Variants in CEP170 observed in about 807,000 individuals in gnomAD.
CEP170 encodes the protein centrosomal protein of 170 kDa.
Under a neutral mutation model 151.9 loss-of-function variants are expected in CEP170, and 21 were observed. The ratio of observed to expected loss-of-function variants is 0.14; its 90% CI spans 0.10 to 0.20. The LOEUF (loss-of-function observed/expected upper bound fraction) is 0.20. Ranked by LOEUF, CEP170 falls within the 10% of genes least tolerant of loss-of-function variation. The pLI, the probability that CEP170 is intolerant of heterozygous loss-of-function variation, is 1.00. For missense variants in CEP170, 964 were observed against 1,892.9 expected (o/e 0.51, Z 9.11); for synonymous variants, 356 against 648.8 (o/e 0.55, Z 6.86).
At chr1:243,179,677 C>G (rs1433276279) in intron 10 of CEP170, among the ~76,000 whole-genome samples, 1 of 152,210 alleles carries the variant, frequency 6.6e-6, no homozygotes, top group Non-Finnish European at 1.5e-5. Flanking sequence ...ACGAATCATA[C>G]ACAAATGCTA....
intron 7 of CEP170, among the ~76,000 whole-genome samples, chr1:243,198,833 A>T (rs1478937464): frequency 2.0e-5 from 3 of 151,578 alleles, no homozygotes; most frequent in Admixed American, 2.0e-4. Context: ...AAAATATTTT[A>T]AATAGAAGTG....
At position 243,208,344 on chromosome 1, in the gene CEP170, A is replaced by G. The variant is rs186287829; in HGVS notation, c.274+3542T>C. Reference sequence around the variant, plus strand: ...GTAGCCAGAGGATCTTTTTAGATGTATGTCATTTATCACTCCGATTAAAAA... The same window carrying G: ...GTAGCCAGAGGATCTTTTTAGATGTGTGTCATTTATCACTCCGATTAAAAA... On this transcript the variant is annotated intron_variant, in intron 4 of 19. Coordinates refer to ENST00000366542, the MANE Select transcript of CEP170 (RefSeq NM_014812.3). Among the ~76,000 whole-genome samples, 146 of 148,022 alleles carry G rather than the reference A, an allele frequency of 9.9e-4. 1 individual carries two copies. The highest frequency in any genetic ancestry group is 4.2e-3 in the Admixed American group (63 of 14,846).
At chr1:243,233,732 C>CAAAA (rs376399936) in intron 1 of CEP170, among the ~76,000 whole-genome samples, 53 of 97,786 alleles carry the variant, frequency 5.4e-4, no homozygotes, top group South Asian at 2.1e-3. Context: ...GACTCCATCT[C>CAAAA]AAAAAAAAAA....
At chr1:243,217,393 C>T (rs988932772) in intron 3 of CEP170, among the ~76,000 whole-genome samples, 1 of 152,188 alleles carries the variant, frequency 6.6e-6, no homozygotes, top group Non-Finnish European at 1.5e-5. Flanking sequence ...TAAAACACCA[C>T]ATTTACTCAA....
At chr1:243,128,778 G>T (rs2148156524) in intron 18 of CEP170, 1 of 153,484 alleles carries the variant, frequency 6.5e-6, no homozygotes, top group East Asian at 1.9e-4. Context: ...TATTGGCCAG[G>T]CTGGTCTTCA....
chr1:243,183,462 T>C (rs1572101856), intron 10 of CEP170, among the ~76,000 whole-genome samples: 1 of 152,168 alleles, frequency 6.6e-6, no homozygotes, highest in Non-Finnish European at 1.5e-5. Flanking sequence ...AAGTGCTTTT[T>C]CTGCCTTCCT....
chr1:243,150,226 C>T (rs2056931222), intron 14 of CEP170, among the ~76,000 whole-genome samples: 1 of 152,316 alleles, frequency 6.6e-6, no homozygotes, highest in South Asian at 2.1e-4. Flanking sequence ...TCTCGGCTCA[C>T]TGCAACCTCC....
At chr1:243,245,769 C>A (rs1189565205) in intron 1 of CEP170, among the ~76,000 whole-genome samples, 1 of 150,742 alleles carries the variant, frequency 6.6e-6, no homozygotes, top group Non-Finnish European at 1.5e-5. Context: ...ACAAAAAAAA[C>A]ACAAAAAAGA....
At chr1:243,230,607 A>C (rs2063660844) in intron 1 of CEP170, among the ~76,000 whole-genome samples, 1 of 152,200 alleles carries the variant, frequency 6.6e-6, no homozygotes, top group Non-Finnish European at 1.5e-5. Flanking sequence ...AGACTAACTG[A>C]AGTAAGAAAA....
intron 3 of CEP170, among the ~76,000 whole-genome samples, chr1:243,216,956 G>A (rs371598410): frequency 6.6e-6 from 1 of 152,190 alleles, no homozygotes. Flanking sequence ...GCAACATTCT[G>A]AGAAACACAT....
intron 14 of CEP170, among the ~76,000 whole-genome samples, chr1:243,152,583 G>A (rs1221960471): frequency 4.7e-5 from 6 of 126,520 alleles, no homozygotes; most frequent in African/African-American, 1.8e-4. Context: ...CCAGGCTGGA[G>A]TGCAGCGGCA....
chr1:243,206,187 G>A (rs1163210338), intron 4 of CEP170, among the ~76,000 whole-genome samples: 1 of 152,176 alleles, frequency 6.6e-6, no homozygotes. Context: ...AGGCTGGAGT[G>A]CAGAGGTACG....
chr1:243,221,085 C>T (rs976221979), intron 3 of CEP170, among the ~76,000 whole-genome samples: 5 of 152,072 alleles, frequency 3.3e-5, no homozygotes, highest in African/African-American at 9.7e-5. Flanking sequence ...AGTGCAGTGG[C>T]GCTGTCTCGG....
At chr1:243,232,627 C>T (rs901169607) in intron 1 of CEP170, among the ~76,000 whole-genome samples, 30 of 152,186 alleles carry the variant, frequency 2.0e-4, no homozygotes, top group African/African-American at 7.0e-4. Context: ...CTTCTTTCAA[C>T]AGCTATTGAG....
chr1:243,250,118 C>CA (rs1206902388), intron 1 of CEP170, among the ~76,000 whole-genome samples: 4 of 151,814 alleles, frequency 2.6e-5, no homozygotes, highest in Non-Finnish European at 1.5e-5. Flanking sequence ...AACAAACAAA[C>CA]AAAAAAAACC....
At chr1:243,249,474 A>G (rs1288833341) in intron 1 of CEP170, among the ~76,000 whole-genome samples, 1 of 152,128 alleles carries the variant, frequency 6.6e-6, no homozygotes, top group African/African-American at 2.4e-5. Context: ...TGAAGAATAC[A>G]TAAGAAATAA....
At chr1:243,173,985 T>G (rs536002685) in intron 10 of CEP170, among the ~76,000 whole-genome samples, 2 of 152,192 alleles carry the variant, frequency 1.3e-5, no homozygotes, top group Non-Finnish European at 1.5e-5. Flanking sequence ...AATTGCGACA[T>G]AGTAGATAGC....
chr1:243,250,851 T>A (rs1297679619), intron 1 of CEP170, among the ~76,000 whole-genome samples: 1 of 152,216 alleles, frequency 6.6e-6, no homozygotes, highest in East Asian at 1.9e-4. Flanking sequence ...AACACAAGTG[T>A]ATGGCTTGAA....
At chr1:243,189,328 G>C (rs2060133324) in intron 8 of CEP170, among the ~76,000 whole-genome samples, 1 of 152,062 alleles carries the variant, frequency 6.6e-6, no homozygotes, top group African/African-American at 2.4e-5. Context: ...AGGCTAAGGT[G>C]GGTGGATCAC....
Sources: allele counts gnomAD v4.1 joint callset (sites outside exome capture counted in the v4.1 genomes callset), GRCh38; gene constraint gnomAD v4.1.1; transcripts MANE v1.5; gene names NCBI Gene and HGNC (gene_info 2026-07-23, HGNC 2026-07-21).